CREB3L2: variants seen among roughly 807,000 people sequenced by gnomAD.
The protein encoded by CREB3L2 is cAMP responsive element binding protein 3 like 2.
Under a neutral mutation model 57.2 loss-of-function variants are expected in CREB3L2, and 23 were observed. The observed-to-expected ratio is 0.40, with a 90% CI of 0.29 to 0.57. CREB3L2 has a LOEUF of 0.57. CREB3L2 is among the 20% of genes least tolerant of loss of function. CREB3L2 has a pLI of 0.42. For missense variants in CREB3L2, 628 were observed against 634.7 expected (o/e 0.99, Z 0.11); for synonymous variants, 268 against 265.1 (o/e 1.01, Z -0.11).
At chr7:137,960,943 A>G (rs1396971136) in intron 1 of CREB3L2, among the ~76,000 whole-genome samples, 5 of 149,442 alleles carry the variant, frequency 3.3e-5, no homozygotes, top group Non-Finnish European at 7.4e-5. Context: ...CCTCCCGAGT[A>G]GCTGAGATTA....
intron 1 of CREB3L2, chr7:137,956,657 T>C (rs1271752145): frequency 7.8e-7 from 1 of 1,284,918 alleles, no homozygotes; most frequent in Non-Finnish European, 1.0e-6. Context: ...TAAGCCATAT[T>C]GAAACAGCAC....
rs1799162147 is a variant in CREB3L2 at position 137,876,650 on chromosome 7, A to G, written c.*3826T>C. 1 of 232,794 alleles carries G rather than the reference A, an allele frequency of 4.3e-6. No homozygotes were observed. 14.4% of individuals were successfully genotyped at this position (232,794 alleles called of 1,614,324 possible). Reference sequence around the variant, plus strand: ...GGCCTATCCTAGCATGTGTCTATGGATAGTCTCACCTGAAGGTGGCCAAAT... The same window carrying G: ...GGCCTATCCTAGCATGTGTCTATGGGTAGTCTCACCTGAAGGTGGCCAAAT... On this transcript the variant is annotated 3_prime_UTR_variant, in exon 12 of 12. Coordinates refer to ENST00000330387, the MANE Select transcript of CREB3L2 (RefSeq NM_194071.4).
chr7:137,907,352 A>G (rs535915812), intron 5 of CREB3L2, among the ~76,000 whole-genome samples: 1 of 152,214 alleles, frequency 6.6e-6, no homozygotes. Context: ...ATAGTAGTAC[A>G]CACAGGTATA....
chr7:137,880,067 C>A lies in CREB3L2; in HGVS notation c.*409G>T. The A allele has an allele frequency of 3.5e-6, 1 of 289,694 alleles. No individual in the cohort carries two copies. The highest frequency in any genetic ancestry group is 5.2e-5 in the East Asian group (1 of 19,098). 17.9% of individuals were successfully genotyped at this position (289,694 alleles called of 1,614,324 possible). ...CAGTGCTTTGCCAAATACCAACAGGCATTATGGCATTTTTGTGGCCAGAGT... is the reference window on the plus strand; with the variant it reads ...CAGTGCTTTGCCAAATACCAACAGGAATTATGGCATTTTTGTGGCCAGAGT... On this transcript the variant is annotated 3_prime_UTR_variant, in exon 12 of 12. Coordinates refer to ENST00000330387, the MANE Select transcript of CREB3L2 (RefSeq NM_194071.4). This position sits in a 1 kb window ranked among gnomAD's most constrained non-coding sequence, Gnocchi z 4.0.
intron 1 of CREB3L2, among the ~76,000 whole-genome samples, chr7:137,957,508 A>G (rs2117281135): frequency 6.6e-6 from 1 of 152,236 alleles, no homozygotes; most frequent in South Asian, 2.1e-4. Context: ...TACAACCCCA[A>G]GTCCTCCTTC....
intron 1 of CREB3L2, among the ~76,000 whole-genome samples, chr7:137,948,112 T>C (rs1585650864): frequency 1.3e-5 from 2 of 152,236 alleles, no homozygotes; most frequent in African/African-American, 4.8e-5. Flanking sequence ...AGACAGTGCT[T>C]TCCCATGATT....
intron 3 of CREB3L2, among the ~76,000 whole-genome samples, 191 bp from the exon 4 acceptor site, chr7:137,913,269 G>A (rs555637668): frequency 6.6e-6 from 1 of 152,058 alleles, no homozygotes; most frequent in Non-Finnish European, 1.5e-5. Flanking sequence ...TGCCAAACTT[G>A]GCATTACAGC....
chr7:137,886,709 CAA>C (rs1309687386), intron 8 of CREB3L2, among the ~76,000 whole-genome samples: 39 of 142,010 alleles, frequency 2.7e-4, no homozygotes, highest in African/African-American at 1.2e-3. Context: ...AGGAAAAAGA[CAA>C]GAGAGCAAGA....
At chr7:137,991,130 G>A (rs1360658821) in intron 1 of CREB3L2, among the ~76,000 whole-genome samples, 1 of 151,978 alleles carries the variant, frequency 6.6e-6, no homozygotes, top group African/African-American at 2.4e-5. Context: ...TGCTGGTGCT[G>A]CTGTCGTCGT....
rs560299096 is a variant in CREB3L2 at position 137,921,502 on chromosome 7, C to T, written c.320-5490G>A. Among the ~76,000 whole-genome samples, 35 of 152,270 alleles carry T rather than the reference C, an allele frequency of 2.3e-4. No homozygotes were observed. In the South Asian group the frequency reaches 6.6e-3, roughly 29 times the overall value. ...CAAGATAGGCAAATCATCAAAGAGA[C>T]TGAAAAAGACATGAACTCAAAGCCA... On this transcript the variant is annotated intron_variant, in intron 2 of 11. Transcript: ENST00000330387.
rs758913413 is a variant in CREB3L2, at chr7:137,901,450, T to C, written c.975-28A>G. The C allele has an allele frequency of 8.2e-6, 12 of 1,472,118 alleles. No individual in the cohort carries two copies. In the South Asian group the frequency reaches 1.3e-4, roughly 15 times the overall value. 91.2% of individuals were successfully genotyped at this position (1,472,118 alleles called of 1,614,324 possible). On this transcript the variant is annotated intron_variant, in intron 7 of 11. Transcript: ENST00000330387. ...ACAAAGGAGGGAGAAAGAAGAAAAT[T>C]ATTATCCATAGAGCAAACACTAAGC...
intron 1 of CREB3L2, among the ~76,000 whole-genome samples, chr7:137,957,103 T>C (rs724064): frequency 0.071 from 10,873 of 152,160 alleles, 764 homozygotes; most frequent in African/African-American, 0.18. Flanking sequence ...GATGTAATGA[T>C]GACGTGGAGT....
chr7:137,903,291 TC>T (rs1455750958), intron 7 of CREB3L2, among the ~76,000 whole-genome samples: 3 of 152,186 alleles, frequency 2.0e-5, no homozygotes, highest in African/African-American at 7.2e-5. Flanking sequence ...CACCAGCCAC[TC>T]CTTTCCCCAG....
intron 1 of CREB3L2, among the ~76,000 whole-genome samples, chr7:137,982,855 G>C (rs937215715): frequency 2.6e-5 from 4 of 152,160 alleles, no homozygotes; most frequent in Non-Finnish European, 5.9e-5. Flanking sequence ...GTGCCCTCAT[G>C]ATGGGATTAG....
intron 1 of CREB3L2, among the ~76,000 whole-genome samples, chr7:137,928,920 C>CG (rs572356263): frequency 6.6e-6 from 1 of 152,114 alleles, no homozygotes; most frequent in Non-Finnish European, 1.5e-5. Context: ...GTGGACAGTG[C>CG]GGGGGGCATG....
At chr7:137,962,414 C>G (rs1801338133) in intron 1 of CREB3L2, among the ~76,000 whole-genome samples, 2 of 152,118 alleles carry the variant, frequency 1.3e-5, no homozygotes, top group Non-Finnish European at 2.9e-5. Context: ...TCTAGGCCCC[C>G]TTTCTCTGCC....
intron 1 of CREB3L2, among the ~76,000 whole-genome samples, chr7:137,994,711 C>T (rs1370255764): frequency 1.3e-5 from 2 of 152,010 alleles, no homozygotes; most frequent in Non-Finnish European, 2.9e-5. Context: ...TGTGGGAGGC[C>T]GAGGCAGAGG....
At position 137,923,627 on chromosome 7, in the gene CREB3L2, T is replaced by C. The variant is rs1242148510; in HGVS notation, c.319+4523A>G. Among the ~76,000 whole-genome samples, 3 of 152,240 alleles carry C rather than the reference T, an allele frequency of 2.0e-5. No homozygotes were observed. The East Asian group carries it at 5.8e-4, about 29-fold the overall frequency. On this transcript the variant is annotated intron_variant, in intron 2 of 11. Transcript: ENST00000330387. ...TTCTGTGATTTTCAAGTCTCACTTC[T>C]ATGGACCATGTCAACATCAAGATCT... is the stretch of plus-strand genomic sequence containing the variant.
At chr7:137,991,785 G>A (rs1370338907) in intron 1 of CREB3L2, among the ~76,000 whole-genome samples, 3 of 151,818 alleles carry the variant, frequency 2.0e-5, no homozygotes, top group Non-Finnish European at 4.4e-5. Context: ...GTGGGCACCT[G>A]TAATCCCAGC....
Sources: gnomAD v4.1 joint callset for allele counts (sites outside exome capture counted in the v4.1 genomes callset) on GRCh38, gnomAD v4.1.1 for gene constraint, Gnocchi (gnomAD v3.1) non-coding constraint, MANE v1.5 for transcripts, NCBI Gene and HGNC (gene_info 2026-07-23, HGNC 2026-07-21) for gene names.